FGGY: variants seen among roughly 807,000 people sequenced by gnomAD.
FGGY encodes the protein FGGY carbohydrate kinase domain containing, also known as FGGY carbohydrate kinase domain-containing protein.
FGGY carries 72 observed loss-of-function variants against 71.3 expected under a neutral mutation model. The ratio of observed to expected loss-of-function variants is 1.01; its 90% CI spans 0.84 to 1.23. FGGY has a LOEUF of 1.23. Ranked by LOEUF, FGGY falls within the 50% of genes most tolerant of loss-of-function variation. The probability of loss-of-function intolerance (pLI) is 0.00; values close to 1 mark genes in which losing one functional copy is unlikely to be tolerated. For missense variants in FGGY, 668 were observed against 682.3 expected (o/e 0.98, Z 0.23); for synonymous variants, 251 against 250.3 (o/e 1.00, Z -0.02).
rs575734772 is a variant in FGGY at position 59,334,187 on chromosome 1, G to A, written c.202-5771G>A. On this transcript the variant is annotated intron_variant, in intron 2 of 15. Transcript: ENST00000303721. ...AGATGGAGTCTCATTCTGTCGCCCA[G>A]GCTGGAGTACAGTTGCATGGTCTTG... Among the ~76,000 whole-genome samples the A allele has an allele frequency of 6.6e-5, 10 of 152,206 alleles. No homozygotes were observed. The South Asian group carries it at 1.9e-3, about 28-fold the overall frequency.
chr1:59,723,562 T>TG (rs1558911250), intron 14 of FGGY, among the ~76,000 whole-genome samples: 1,442 of 133,522 alleles, frequency 0.011, 26 homozygotes, highest in African/African-American at 0.037. Flanking sequence ...TTGTTTTTTT[T>TG]TGGGGGGGGG....
chr1:59,589,468 A>G (rs1473962247), intron 8 of FGGY, among the ~76,000 whole-genome samples: 1 of 152,116 alleles, frequency 6.6e-6, no homozygotes, highest in African/African-American at 2.4e-5. Context: ...CTCCACCCCA[A>G]ATCAACAGAA....
intron 5 of FGGY, among the ~76,000 whole-genome samples, chr1:59,434,898 C>T (rs2068103330): frequency 6.6e-6 from 1 of 152,188 alleles, no homozygotes. Flanking sequence ...CACAGTTACA[C>T]ATTTTGAAGT....
chr1:59,578,970 CCA>C (rs1462854595), intron 8 of FGGY, among the ~76,000 whole-genome samples: 1 of 152,064 alleles, frequency 6.6e-6, no homozygotes, highest in Admixed American at 6.6e-5. Context: ...ATTGTCTTTG[CCA>C]CACAGCTTCT....
At position 59,660,266 on chromosome 1, in the gene FGGY, C is replaced by G. The variant is rs369609057; in HGVS notation, c.1269C>G (p.Leu423=). 8 of 1,613,318 alleles carry G rather than the reference C, an allele frequency of 5.0e-6. No individual in the cohort carries two copies. Among genetic ancestry groups the G allele is most frequent in the African/African-American group, 1.3e-5 (1 of 74,934 alleles). Residue 423 remains leucine, a synonymous_variant, in exon 12 of 16, where the codon CTC becomes CTG. Transcript: ENST00000303721. ...AGGACCTTGATGATCTTGCCATTCT[C>G]TACCTGGCCACAGTTCAAGCCATTG... ...LSQDLDDLAI[L]YLATVQAIAL... is the part of the protein sequence containing the mutation.
At chr1:59,373,662 C>G (rs1308666669) in intron 4 of FGGY, among the ~76,000 whole-genome samples, 1 of 152,160 alleles carries the variant, frequency 6.6e-6, no homozygotes, top group East Asian at 1.9e-4. Flanking sequence ...AACTATACTA[C>G]AAGTCTACAG....
intron 8 of FGGY, among the ~76,000 whole-genome samples, chr1:59,588,952 A>C (rs1299927082): frequency 6.6e-6 from 1 of 152,240 alleles, no homozygotes; most frequent in Non-Finnish European, 1.5e-5. Flanking sequence ...TTAACTTTAA[A>C]TGTAAATGGA....
intron 14 of FGGY, among the ~76,000 whole-genome samples, chr1:59,703,127 A>G (rs2097724003): frequency 6.6e-6 from 1 of 152,192 alleles, no homozygotes; most frequent in Admixed American, 6.5e-5. Flanking sequence ...CCAGAACAGT[A>G]CCTGGCACAT....
At chr1:59,743,602 CT>C (rs56166782) in intron 14 of FGGY, among the ~76,000 whole-genome samples, 47,960 of 147,788 alleles carry the variant, frequency 0.32, 8,023 homozygotes, top group South Asian at 0.46. Flanking sequence ...ATTTCCAGAT[CT>C]TTTTTTTTTT....
At chr1:59,494,177 A>C (rs986582638) in intron 6 of FGGY, among the ~76,000 whole-genome samples, 5 of 152,238 alleles carry the variant, frequency 3.3e-5, no homozygotes, top group African/African-American at 1.2e-4. Flanking sequence ...TCACATTACC[A>C]TGTGAGATGG....
At chr1:59,533,056 C>T (rs1262168524) in intron 7 of FGGY, among the ~76,000 whole-genome samples, 2 of 152,214 alleles carry the variant, frequency 1.3e-5, no homozygotes, top group Admixed American at 6.5e-5. Context: ...GCTTGAGCGA[C>T]ACAGCAGACG....
intron 9 of FGGY, among the ~76,000 whole-genome samples, chr1:59,623,353 AT>A (rs1469817309): frequency 6.6e-6 from 1 of 152,084 alleles, no homozygotes; most frequent in East Asian, 1.9e-4. Context: ...ATTCATCCTT[AT>A]TTTCACCAGT....
chr1:59,703,132 G>A (rs553632168), intron 14 of FGGY, among the ~76,000 whole-genome samples: 2 of 152,146 alleles, frequency 1.3e-5, no homozygotes, highest in Non-Finnish European at 2.9e-5. Context: ...ACAGTACCTG[G>A]CACATGAAAA....
intron 7 of FGGY, among the ~76,000 whole-genome samples, chr1:59,522,398 C>G (rs936195700): frequency 1.2e-4 from 18 of 152,084 alleles, no homozygotes; most frequent in African/African-American, 4.3e-4. Context: ...GTTTGTAGAT[C>G]TATTTTATGG....
In FGGY at chr1:59,542,445, CTTTTTTTTTTT is replaced by C. The variant is rs754831417; in HGVS notation, c.800-11658_800-11648del. 6.7e-4 allele frequency among the ~76,000 whole-genome samples: 23 copies of C among 34,254 alleles called. No individual in the cohort carries two copies. In the South Asian group the frequency reaches 8.0e-3, roughly 12 times the overall value. The allele number at this position is 34,254 out of a possible 152,430, so 22.5% of individuals were successfully genotyped here. On this transcript the variant is annotated intron_variant, in intron 7 of 15. Transcript: ENST00000303721. ...GCCAAGACTATATGTATGTTCTTTA[CTTTTTTTTTTT>C]TTTTTTTTTTTTTTTTTTTTGAGAT...
intron 14 of FGGY, among the ~76,000 whole-genome samples, chr1:59,686,576 A>G (rs913547370): frequency 2.0e-5 from 3 of 151,996 alleles, no homozygotes; most frequent in East Asian, 3.9e-4. Flanking sequence ...GCTATCCTCT[A>G]TTATTTTTTT....
At chr1:59,674,178 A>T in intron 14 of FGGY, 45 bp downstream of exon 14, 1 of 1,457,214 alleles carries the variant, frequency 6.9e-7, no homozygotes, top group Non-Finnish European at 9.6e-7. Context: ...CCCCTGTCTG[A>T]GGCCATCCTT....
chr1:59,326,347 G>A (rs1228550310), intron 2 of FGGY, among the ~76,000 whole-genome samples: 2 of 152,232 alleles, frequency 1.3e-5, no homozygotes, highest in Admixed American at 6.5e-5. Context: ...ATCTATATGA[G>A]TAGTGGTTGT....
chr1:59,687,628 G>C (rs2097555131), intron 14 of FGGY, among the ~76,000 whole-genome samples: 1 of 149,462 alleles, frequency 6.7e-6, no homozygotes, highest in African/African-American at 2.5e-5. Flanking sequence ...CACCACACCT[G>C]GCTATTTTTT....
Sources: gnomAD v4.1 joint callset for allele counts (sites outside exome capture counted in the v4.1 genomes callset) on GRCh38, gnomAD v4.1.1 for gene constraint, MANE v1.5 for transcripts, NCBI Gene and HGNC (gene_info 2026-07-23, HGNC 2026-07-21) for gene names.